The following LRRTM4 variants were observed in gnomAD, a reference collection of about 807,000 sequenced individuals.
LRRTM4 encodes leucine rich repeat transmembrane neuronal 4.
LRRTM4 carries 25 observed loss-of-function variants against 47.6 expected under a neutral mutation model. The observed-to-expected ratio is 0.53, with a 90% CI of 0.38 to 0.73. LRRTM4 has a LOEUF of 0.73. Among genes scored for constraint, LRRTM4 ranks in the 30% least tolerant of loss-of-function variants. The pLI is 0.00. For synonymous variants in LRRTM4, 311 were observed against 269.5 expected (o/e 1.15, Z -1.51); for missense variants, 638 against 713.4 (o/e 0.89, Z 1.20).
Position 76,952,457 on chromosome 2 carries a change from A to G in LRRTM4, c.1552-203541T>C, listed in dbSNP as rs531615925. Among the ~76,000 whole-genome samples, 3 of 152,146 alleles carry G rather than the reference A, an allele frequency of 2.0e-5. No individual in the cohort carries two copies. In the East Asian group the frequency reaches 5.8e-4, roughly 30 times the overall value. The stretch of plus-strand genomic sequence containing the variant: ...GAAAAAATGCTCACTGTCTCTAATC[A>G]TCAGAGAAAGGCAAGTCACAACCAC... On this transcript the variant is annotated intron_variant, in intron 3 of 3. Transcript: ENST00000409884.
chr2:77,383,569 C>T (rs1479693100), intron 3 of LRRTM4, among the ~76,000 whole-genome samples: 1 of 151,964 alleles, frequency 6.6e-6, no homozygotes, highest in Non-Finnish European at 1.5e-5. Context: ...ATAGTTAATA[C>T]AAAGTAAATA....
At chr2:77,408,347 A>G (rs1417176428) in intron 3 of LRRTM4, among the ~76,000 whole-genome samples, 1 of 152,174 alleles carries the variant, frequency 6.6e-6, no homozygotes, top group African/African-American at 2.4e-5. Flanking sequence ...CTCAATATTT[A>G]TCATGGTTTA....
At chr2:77,330,173 G>C (rs1670917133) in intron 3 of LRRTM4, among the ~76,000 whole-genome samples, 1 of 152,076 alleles carries the variant, frequency 6.6e-6, no homozygotes, top group African/African-American at 2.4e-5. Flanking sequence ...GTCACTTGAA[G>C]AGGAGTAATC....
intron 3 of LRRTM4, among the ~76,000 whole-genome samples, chr2:77,125,253 T>C (rs934253169): frequency 7.2e-5 from 11 of 152,304 alleles, no homozygotes; most frequent in South Asian, 2.1e-4. Flanking sequence ...TGTGAAATAA[T>C]TGTCCTTCGT....
intron 3 of LRRTM4, among the ~76,000 whole-genome samples, chr2:76,862,638 C>T (rs187388760): frequency 1.3e-5 from 2 of 152,282 alleles, no homozygotes; most frequent in Admixed American, 6.5e-5. Context: ...CACGCGTGCG[C>T]GCGCACACAC....
At chr2:76,892,630 A>G (rs999459787) in intron 3 of LRRTM4, among the ~76,000 whole-genome samples, 1 of 151,738 alleles carries the variant, frequency 6.6e-6, no homozygotes, top group Non-Finnish European at 1.5e-5. Context: ...ATGAATGTTA[A>G]TAGGTTTAAT....
intron 3 of LRRTM4, among the ~76,000 whole-genome samples, chr2:77,083,659 G>T (rs1259919912): frequency 2.0e-5 from 3 of 151,744 alleles, no homozygotes; most frequent in African/African-American, 7.3e-5. Context: ...ATGATGAACA[G>T]TTAGTAAAGA....
Position 77,354,319 on chromosome 2 carries a change from G to A in LRRTM4, c.1551+163999C>T, listed in dbSNP as rs116056724. On this transcript the variant is annotated intron_variant, in intron 3 of 3. Coordinates refer to ENST00000409884, the MANE Select transcript of LRRTM4 (RefSeq NM_001134745.3). ...AAGAGCTCCAGGCTAGGAGTGAAGG[G>A]ATGCATATCCAGATAAGTGGTTCTT... Among the ~76,000 whole-genome samples, 386 of 151,014 alleles carry A rather than the reference G, an allele frequency of 2.6e-3. 2 individuals carry two copies. Among genetic ancestry groups the A allele is most frequent in the African/African-American group, 9.0e-3 (371 of 41,172 alleles).
chr2:77,014,954 C>T (rs1435124295), intron 3 of LRRTM4, among the ~76,000 whole-genome samples: 1 of 152,034 alleles, frequency 6.6e-6, no homozygotes, highest in African/African-American at 2.4e-5. Flanking sequence ...GGCTAGCCTA[C>T]TGTCTTTAGT....
At chr2:76,822,647 G>A (rs1043218920) in intron 3 of LRRTM4, among the ~76,000 whole-genome samples, 1 of 151,524 alleles carries the variant, frequency 6.6e-6, no homozygotes, top group Non-Finnish European at 1.5e-5. Flanking sequence ...AACTGGCTTA[G>A]CAAATGTAGA....
chr2:77,305,287 C>T (rs150134917), intron 3 of LRRTM4, among the ~76,000 whole-genome samples: 18 of 151,954 alleles, frequency 1.2e-4, no homozygotes, highest in East Asian at 3.9e-4. Context: ...AAATCCTATA[C>T]GCTGTAATTT....
At chr2:76,976,976 A>C (rs953268727) in intron 3 of LRRTM4, among the ~76,000 whole-genome samples, 4 of 150,164 alleles carry the variant, frequency 2.7e-5, no homozygotes, top group Non-Finnish European at 5.9e-5. Flanking sequence ...TTATGTGTCA[A>C]CTAAAATTAA....
chr2:76,872,472 C>G (rs557889851), intron 3 of LRRTM4, among the ~76,000 whole-genome samples: 1 of 152,064 alleles, frequency 6.6e-6, no homozygotes, highest in African/African-American at 2.4e-5. Flanking sequence ...CATCTCTGGC[C>G]TCCATAACCC....
intron 3 of LRRTM4, among the ~76,000 whole-genome samples, chr2:77,371,926 A>C (rs952202885): frequency 6.6e-6 from 1 of 151,670 alleles, no homozygotes; most frequent in Non-Finnish European, 1.5e-5. Flanking sequence ...CTGGCAGAAG[A>C]CACAAAATTT....
chr2:77,239,713 G>A (rs1395785293), intron 3 of LRRTM4, among the ~76,000 whole-genome samples: 1 of 151,844 alleles, frequency 6.6e-6, no homozygotes, highest in Non-Finnish European at 1.5e-5. Flanking sequence ...CCATCAAGGA[G>A]ATATAATAAC....
intron 3 of LRRTM4, among the ~76,000 whole-genome samples, chr2:77,305,364 G>T (rs991559670): frequency 2.0e-5 from 3 of 152,074 alleles, no homozygotes; most frequent in South Asian, 2.1e-4. Flanking sequence ...AGATGTGCTT[G>T]AATTTAATTT....
At chr2:77,376,628 T>C (rs1005089987) in intron 3 of LRRTM4, among the ~76,000 whole-genome samples, 1 of 151,794 alleles carries the variant, frequency 6.6e-6, no homozygotes, top group Non-Finnish European at 1.5e-5. Context: ...TCTCTTACAC[T>C]TTTCTCATGA....
At chr2:77,073,662 T>C (rs57484946) in intron 3 of LRRTM4, among the ~76,000 whole-genome samples, 1 of 152,086 alleles carries the variant, frequency 6.6e-6, no homozygotes, top group Non-Finnish European at 1.5e-5. Context: ...CATTGAAAAA[T>C]ATGGGTATAA....
intron 3 of LRRTM4, among the ~76,000 whole-genome samples, chr2:77,096,159 A>C (rs1670806330): frequency 6.6e-6 from 1 of 151,804 alleles, no homozygotes; most frequent in African/African-American, 2.4e-5. Context: ...TTTAATTAAA[A>C]ATTAATAAAT....
Sources: allele counts gnomAD v4.1 joint callset (sites outside exome capture counted in the v4.1 genomes callset), GRCh38; gene constraint gnomAD v4.1.1; transcripts MANE v1.5; gene names NCBI Gene and HGNC (gene_info 2026-07-23, HGNC 2026-07-21).